DNAH2: variants seen among roughly 807,000 people sequenced by gnomAD.
The protein encoded by DNAH2 is axonemal beta dynein heavy chain 2.
A neutral mutation model predicts 523.5 loss-of-function variants in DNAH2; 323 were observed. That is an observed-to-expected ratio of 0.62 (90% CI 0.56 to 0.68). The LOEUF is 0.68. Ranked by LOEUF, DNAH2 falls within the 30% of genes least tolerant of loss-of-function variation. The probability of loss-of-function intolerance (pLI) is 0.00; values close to 1 mark genes in which losing one functional copy is unlikely to be tolerated. For missense variants in DNAH2, 4,907 were observed against 5,701.5 expected, an observed-to-expected ratio of 0.86 and a Z score of 4.49; for synonymous variants, 2,093 against 2,177.4, an observed-to-expected ratio of 0.96 and a Z score of 1.08.
At chr17:7,763,359 C>T (rs765433638) in intron 18 of DNAH2, among the ~76,000 whole-genome samples, 3 of 152,112 alleles carry the variant, frequency 2.0e-5, no homozygotes, top group East Asian at 1.9e-4. Flanking sequence ...GGGGTTTCAC[C>T]GTGGTCTCGA....
At chr17:7,759,713 C>A in intron 16 of DNAH2, 78 bp from the exon 17 acceptor site, 1 of 1,602,928 alleles carries the variant, frequency 6.2e-7, no homozygotes, top group Non-Finnish European at 8.5e-7. Context: ...TATCCTATGG[C>A]CTTCAGACCT....
chr17:7,791,467 G>A (rs533362292), intron 44 of DNAH2, among the ~76,000 whole-genome samples: 8 of 152,160 alleles, frequency 5.3e-5, no homozygotes, highest in South Asian at 2.1e-4. Flanking sequence ...ATTACTACAC[G>A]TAGATTCATT....
At chr17:7,803,109 G>C (rs2077268631) in intron 58 of DNAH2, among the ~76,000 whole-genome samples, 2 of 152,152 alleles carry the variant, frequency 1.3e-5, no homozygotes, top group Non-Finnish European at 2.9e-5. Flanking sequence ...ACACTGGCTG[G>C]GTGTCCTATG....
intron 2 of DNAH2, among the ~76,000 whole-genome samples, chr17:7,720,709 G>T (rs939250796): frequency 1.2e-4 from 18 of 152,148 alleles, no homozygotes; most frequent in Admixed American, 1.1e-3. Context: ...AGGTTGAGAG[G>T]TTAAGCGTGG....
chr17:7,743,630 C>A, intron 12 of DNAH2: 1 of 447,344 alleles, frequency 2.2e-6, no homozygotes, highest in Non-Finnish European at 4.0e-6. Context: ...CACACCACTA[C>A]ACTCCAGCCT....
rs558354424 is a variant in DNAH2 at position 7,773,688 on chromosome 17, TC to T, written c.4502-1069del. On this transcript the variant is annotated intron_variant, in intron 28 of 85. Transcript: ENST00000572933. The stretch of plus-strand genomic sequence containing the variant: ...AGCAAAACTATCATGAATTTCTTTT[TC>T]CTTCGTCGCAGTTTCACAGATAGAA... Among the ~76,000 whole-genome samples, 601 of 152,334 alleles carry T rather than the reference TC, an allele frequency of 3.9e-3. 2 individuals carry two copies. The highest frequency in any genetic ancestry group is 7.2e-3 in the Non-Finnish European group (489 of 68,026).
rs76761324 is a variant in DNAH2 at position 7,831,960 on chromosome 17, A to G, written c.12726+185A>G. Among the ~76,000 whole-genome samples, 1 of 152,178 alleles carries G rather than the reference A, an allele frequency of 6.6e-6. No homozygotes were observed. Among genetic ancestry groups the G allele is most frequent in the African/African-American group, 2.4e-5 (1 of 41,504 alleles). Reference sequence around the variant, plus strand: ...TTGACTGACTTCATACAACTTATTAACTTACAGACTCACTCAGGGAAAATT... The same window carrying G: ...TTGACTGACTTCATACAACTTATTAGCTTACAGACTCACTCAGGGAAAATT... On this transcript the variant is annotated intron_variant, in intron 82 of 85. Transcript: ENST00000572933. The surrounding 1 kb of genome is among the most constrained non-coding windows in gnomAD (Gnocchi z 4.2).
intron 18 of DNAH2, among the ~76,000 whole-genome samples, chr17:7,761,699 G>T (rs1209745051): frequency 6.6e-6 from 1 of 151,944 alleles, no homozygotes; most frequent in African/African-American, 2.4e-5. Context: ...TGGCCAGGCT[G>T]GTCTCAAACT....
Position 7,823,995 on chromosome 17 carries a change from G to T in DNAH2, c.11478+13G>T, listed in dbSNP as rs769003595. 9 of 1,609,278 alleles carry T rather than the reference G, an allele frequency of 5.6e-6. No homozygotes were observed. The highest frequency in any genetic ancestry group is 7.6e-6 in the Non-Finnish European group (9 of 1,177,922). On this transcript the variant is annotated intron_variant, in intron 75 of 85. Transcript: ENST00000572933. ...GAATATGAAGTCGGTCGGTGGCTCG[G>T]CTTCCTTGTCCCCACGGCCCATGGG... is the stretch of plus-strand genomic sequence containing the variant.
Position 7,780,328 on chromosome 17 carries a change from C to A in DNAH2, c.5850+44C>A. ...TTCTCCAGTGATTTTAATTTCCTTTCATAATTATTCCCTGGACAGAGGAGC... is the reference window on the plus strand; with the variant it reads ...TTCTCCAGTGATTTTAATTTCCTTTAATAATTATTCCCTGGACAGAGGAGC... On this transcript the variant is annotated intron_variant, in intron 37 of 85. Transcript: ENST00000572933. The surrounding 1 kb of genome is among the most constrained non-coding windows in gnomAD (Gnocchi z 4.4). The A allele has an allele frequency of 6.2e-7, 1 of 1,613,276 alleles. No individual in the cohort carries two copies. Among genetic ancestry groups the A allele is most frequent in the Non-Finnish European group, 8.5e-7 (1 of 1,179,714 alleles).
chr17:7,741,244 T>TTCTCTCTC (rs1464410019), intron 11 of DNAH2, among the ~76,000 whole-genome samples: 2 of 29,738 alleles, frequency 6.7e-5, no homozygotes, highest in African/African-American at 1.7e-4. Flanking sequence ...CTCTCTTTCT[T>TTCTCTCTC]TCTTTCTTTC....
At chr17:7,826,613 C>T (rs532652941) in intron 77 of DNAH2, among the ~76,000 whole-genome samples, 3 of 145,402 alleles carry the variant, frequency 2.1e-5, no homozygotes, top group Admixed American at 7.3e-5. Flanking sequence ...CATCTCGGCT[C>T]ACTGAAACAT....
rs371573383 is a variant in DNAH2, at chr17:7,739,789, T to A, written c.1227T>A (p.Leu409=). 10 of 1,614,000 alleles carry A rather than the reference T, an allele frequency of 6.2e-6. No homozygotes were observed. The highest frequency in any genetic ancestry group is 8.5e-6 in the Non-Finnish European group (10 of 1,180,010). ...GGGAAGATGGCAAGCAGGGTCCCCT[T>A]CCTTGCTTCTTTGGTGCCCAGGGGC... ...ARWEDGKQGP[L]PCFFGAQGPQ... is the part of the protein sequence containing the mutation. The change falls in exon 9 of 86, where the codon CTT becomes CTA. Residue 409 remains leucine (L), a synonymous_variant. Coordinates refer to ENST00000572933, the MANE Select transcript of DNAH2 (RefSeq NM_020877.5).
chr17:7,790,791 C>T (rs572997531), intron 44 of DNAH2, among the ~76,000 whole-genome samples: 12 of 152,084 alleles, frequency 7.9e-5, no homozygotes, highest in African/African-American at 2.9e-4. Flanking sequence ...ACTGCAGCCT[C>T]AACATTCTGG....
At position 7,780,928 on chromosome 17, in the gene DNAH2, G is replaced by T. The variant is rs1264512697; in HGVS notation, c.6004-114G>T. ...CCATCCCCGTGTTGCCCGCTGCTTT[G>T]CTAATGGCTAACTGGTGTATCCATT... On this transcript the variant is annotated intron_variant, in intron 38 of 85. Transcript: ENST00000572933. This position sits in a 1 kb window ranked among gnomAD's most constrained non-coding sequence, Gnocchi z 4.4. 7 of 1,585,550 alleles carry T rather than the reference G, an allele frequency of 4.4e-6. No individual in the cohort carries two copies. Among genetic ancestry groups the T allele is most frequent in the South Asian group, 2.2e-5 (2 of 89,040 alleles).
chr17:7,757,548 T>C (rs559395962), intron 13 of DNAH2, among the ~76,000 whole-genome samples: 125 of 152,276 alleles, frequency 8.2e-4, no homozygotes, highest in Middle Eastern at 6.8e-3. Flanking sequence ...ATTAGGATTA[T>C]GTGCACAGAA....
At chr17:7,796,827 C>A (rs954882521) in intron 50 of DNAH2, among the ~76,000 whole-genome samples, 175 bp downstream of exon 50, 4 of 150,416 alleles carry the variant, frequency 2.7e-5, no homozygotes, top group African/African-American at 9.8e-5. Flanking sequence ...CGGTGGCTCA[C>A]ACCTGTAATT....
chr17:7,800,367 C>T (rs1006746070), intron 56 of DNAH2, among the ~76,000 whole-genome samples: 5 of 152,012 alleles, frequency 3.3e-5, no homozygotes, highest in African/African-American at 1.2e-4. Context: ...TGTCTATCTG[C>T]GACTTGCTTA....
chr17:7,775,195 C>T (rs2076415529), intron 29 of DNAH2, 46 bp from the exon 30 acceptor site: 6 of 1,587,022 alleles, frequency 3.8e-6, no homozygotes, highest in Non-Finnish European at 5.2e-6. Flanking sequence ...TAGGCGGACA[C>T]CAAGGGTGGG....
Sources: gnomAD v4.1 joint callset for allele counts (sites outside exome capture counted in the v4.1 genomes callset) on GRCh38, gnomAD v4.1.1 for gene constraint, Gnocchi (gnomAD v3.1) non-coding constraint, MANE v1.5 for transcripts, NCBI Gene and HGNC (gene_info 2026-07-23, HGNC 2026-07-21) for gene names.